Variants in ADCY7 observed in about 807,000 individuals in gnomAD.
ADCY7 encodes adenylate cyclase 7.
A neutral mutation model predicts 120.6 loss-of-function variants in ADCY7; 72 were observed. That is an observed-to-expected ratio of 0.60 (90% CI 0.49 to 0.73). The LOEUF is 0.73. Among genes scored for constraint, ADCY7 ranks in the 30% least tolerant of loss-of-function variants. The pLI is 0.00. For synonymous variants in ADCY7, 661 were observed against 628.0 expected, an observed-to-expected ratio of 1.05 and a Z score of -0.78; for missense variants, 1,227 against 1,486.0, an observed-to-expected ratio of 0.83 and a Z score of 2.87.
At chr16:50,293,682 G>T (rs536502239) in intron 6 of ADCY7, among the ~76,000 whole-genome samples, 180 bp downstream of exon 6, 1 of 152,332 alleles carries the variant, frequency 6.6e-6, no homozygotes, top group African/African-American at 2.4e-5. Flanking sequence ...ACCCCCACTT[G>T]TGGGCAGGAT....
At chr16:50,309,129 C>G (rs1347115124) in intron 17 of ADCY7, 4 of 327,484 alleles carry the variant, frequency 1.2e-5, no homozygotes, top group African/African-American at 2.1e-5. Flanking sequence ...GGCTCAGAGG[C>G]TCAGTGCTGC....
At chr16:50,299,983 G>A (rs1036323916) in intron 8 of ADCY7, among the ~76,000 whole-genome samples, 1 of 152,332 alleles carries the variant, frequency 6.6e-6, no homozygotes, top group Non-Finnish European at 1.5e-5. Context: ...CAGGGATTGG[G>A]GGGGCATAGA....
At chr16:50,282,678 A>G (rs1055697023) in intron 1 of ADCY7, among the ~76,000 whole-genome samples, 1 of 150,730 alleles carries the variant, frequency 6.6e-6, no homozygotes, top group Admixed American at 6.6e-5. Flanking sequence ...CATGAGGGTG[A>G]TAGGGACCCC....
At position 50,291,821 on chromosome 16, in the gene ADCY7, C is replaced by T. The variant is rs374767137; in HGVS notation, c.461C>T (p.Ser154Phe). ...GGCGCTGTCGCCGTTGGGGCCGTCT[C>T]CACTGCCTCCCACCTCCTGGTGCTC... ...MRGAVAVGAV[S>F]TASHLLVLGS... Residue 154 changes from serine to phenylalanine, a missense_variant, in exon 4 of 26, where the codon TCC (serine) becomes TTC (phenylalanine). By Grantham distance (155) the Ser-to-Phe change is radical. Around this residue, in one of 5 missense-constraint regions of ADCY7, gnomAD observed 382 missense variants for 411.4 expected, o/e 0.93. Coordinates refer to ENST00000673801, the MANE Select transcript of ADCY7 (RefSeq NM_001114.5). 3 of 1,613,962 alleles carry T rather than the reference C, an allele frequency of 1.9e-6. No individual in the cohort carries two copies. Among genetic ancestry groups the T allele is most frequent in the Non-Finnish European group, 2.5e-6 (3 of 1,179,970 alleles).
chr16:50,279,474 G>A (rs1018444324), intron 1 of ADCY7: 1 of 152,242 alleles, frequency 6.6e-6, no homozygotes, highest in Non-Finnish European at 1.5e-5. Context: ...TCAAGCAAGA[G>A]TGAGGAAAAA....
Position 50,309,662 on chromosome 16 carries a change from C to A in ADCY7, c.2160+16C>A, listed in dbSNP as rs774872669. 1.9e-6 allele frequency: 3 copies of A among 1,602,224 alleles called. No homozygotes were observed. Among genetic ancestry groups the A allele is most frequent in the Admixed American group, 1.7e-5 (1 of 59,798 alleles). ...GCCCCTCCCGGTGAGTGCGCCGGGC[C>A]CGGCTCCGTGGCCTCATTCAGAGTG... is the stretch of plus-strand genomic sequence containing the variant. On this transcript the variant is annotated intron_variant, in intron 18 of 25. Transcript: ENST00000673801.
intron 25 of ADCY7, 66 bp from the exon 26 acceptor site, chr16:50,315,293 A>C: frequency 6.3e-7 from 1 of 1,579,498 alleles, no homozygotes; most frequent in Non-Finnish European, 8.6e-7. Flanking sequence ...GGCAGTCTCT[A>C]TCTGTCCCTA....
intron 1 of ADCY7, among the ~76,000 whole-genome samples, chr16:50,249,325 A>C (rs1373693838): frequency 6.6e-6 from 1 of 152,114 alleles, no homozygotes; most frequent in African/African-American, 2.4e-5. Flanking sequence ...CTGTAGTCCC[A>C]GCTACTTGGG....
At chr16:50,313,737 G>A in intron 22 of ADCY7, 2 of 560,592 alleles carry the variant, frequency 3.6e-6, no homozygotes, top group South Asian at 2.5e-5. Context: ...AAGGGAAGAG[G>A]GAGACAGTGT....
intron 19 of ADCY7, among the ~76,000 whole-genome samples, chr16:50,311,328 CCAGAA>C (rs1258863050): frequency 2.6e-5 from 4 of 152,204 alleles, no homozygotes; most frequent in Admixed American, 2.6e-4. Flanking sequence ...AGCCTGGGAC[CCAGAA>C]CAGAACCTGC....
intron 10 of ADCY7, among the ~76,000 whole-genome samples, chr16:50,302,730 C>T (rs941622145): frequency 6.6e-6 from 1 of 152,102 alleles, no homozygotes; most frequent in African/African-American, 2.4e-5. Context: ...GGGATTTTCA[C>T]GGACACCGAG....
In ADCY7 at chr16:50,313,996, C is replaced by T. The variant is rs1253503902; in HGVS notation, c.2790C>T (p.Ile930=). ...CCAAGTTCAGCGGCGTGGAGAAGAT[C>T]AAGACCATCGGCAGCACGTACATGG... ...LKPKFSGVEK[I]KTIGSTYMAA... Residue 930 remains isoleucine (I), a synonymous_variant, in exon 23 of 26, where the codon ATC becomes ATT. Transcript: ENST00000673801. 6.2e-7 allele frequency: 1 copy of T among 1,614,188 alleles called. No individual in the cohort carries two copies. The highest frequency in any genetic ancestry group is 8.5e-7 in the Non-Finnish European group (1 of 1,179,994).
At position 50,288,126 on chromosome 16, in the gene ADCY7, G is replaced by T. The variant is rs1235044179; in HGVS notation, c.-54G>T. 2.0e-6 allele frequency: 3 copies of T among 1,496,492 alleles called. No individual in the cohort carries two copies. The highest frequency in any genetic ancestry group is 2.7e-6 in the Non-Finnish European group (3 of 1,117,836). 92.7% of individuals were successfully genotyped at this position (1,496,492 alleles called of 1,614,324 possible). ...GGTGTTGGCAGACAGATGCCCTCCA[G>T]GCCCTGGGGCCTCCTTAACGGCCCC... On this transcript the variant is annotated 5_prime_UTR_variant, in exon 2 of 26. In the 5' UTR this introduces an upstream ATG that the reference lacks. Transcript: ENST00000673801.
At chr16:50,284,684 A>G (rs1200397635) in intron 1 of ADCY7, among the ~76,000 whole-genome samples, 1 of 152,254 alleles carries the variant, frequency 6.6e-6, no homozygotes, top group Admixed American at 6.5e-5. Context: ...CATCTGGCTC[A>G]GTCCCCCGGG....
chr16:50,250,388 C>T (rs7198457), intron 1 of ADCY7, among the ~76,000 whole-genome samples: 21 of 138,882 alleles, frequency 1.5e-4, no homozygotes, highest in African/African-American at 5.4e-4. Flanking sequence ...ACCCGGGAGG[C>T]GGAGGTTGCA....
chr16:50,278,516 G>A (rs189554821), intron 1 of ADCY7, among the ~76,000 whole-genome samples: 18 of 152,252 alleles, frequency 1.2e-4, no homozygotes, highest in East Asian at 7.7e-4. Flanking sequence ...AATCTGTCAC[G>A]TGTCTTTTGA....
rs373457839 is a variant in ADCY7 at position 50,299,044 on chromosome 16, C to A, written c.1076+13C>A. 1.2e-6 allele frequency: 2 copies of A among 1,603,012 alleles called. No homozygotes were observed. The highest frequency in any genetic ancestry group is 1.3e-5 in the African/African-American group (1 of 74,768). Reference sequence around the variant, plus strand: ...GCCAGGCCATCAAGTAGGTCCTGGGCGGGCCCAGGCCCTGGGTCCTGCCCT... The same window carrying A: ...GCCAGGCCATCAAGTAGGTCCTGGGAGGGCCCAGGCCCTGGGTCCTGCCCT... On this transcript the variant is annotated intron_variant, in intron 8 of 25. Transcript: ENST00000673801.
intron 24 of ADCY7, 138 bp from the exon 25 acceptor site, chr16:50,314,876 C>G: frequency 1.6e-6 from 2 of 1,252,140 alleles, no homozygotes. Flanking sequence ...CGCAGTGACT[C>G]TGGGAAGCAA....
chr16:50,313,749 G>A, intron 22 of ADCY7: 1 of 572,366 alleles, frequency 1.7e-6, no homozygotes, highest in South Asian at 2.3e-5. Flanking sequence ...AGACAGTGTG[G>A]GGACGGAGAC....
Sources: allele counts gnomAD v4.1 joint callset (sites outside exome capture counted in the v4.1 genomes callset), GRCh38; gene constraint gnomAD v4.1.1; regional missense constraint gnomAD v4.1.1; transcripts MANE v1.5; gene names NCBI Gene and HGNC (gene_info 2026-07-23, HGNC 2026-07-21).